Variants in SGK3 observed in about 807,000 individuals in gnomAD.
The protein encoded by SGK3 is serine/threonine-protein kinase Sgk3.
Under a neutral mutation model 68.5 loss-of-function variants are expected in SGK3, and 47 were observed. That is an observed-to-expected ratio of 0.69 (90% confidence interval 0.54 to 0.87). The LOEUF (loss-of-function observed/expected upper bound fraction) is 0.87. SGK3 is among the 40% of genes least tolerant of loss of function. SGK3 has a pLI of 0.00. For missense variants in SGK3, 479 were observed against 575.5 expected (o/e 0.83, Z 1.72); for synonymous variants, 181 against 189.1 (o/e 0.96, Z 0.35).
At position 66,841,007 on chromosome 8, in the gene SGK3, GC is replaced by G. The variant is rs1554605672; in HGVS notation, c.892-13del. 2 of 1,545,458 alleles carry G rather than the reference GC, an allele frequency of 1.3e-6. No homozygotes were observed. Among genetic ancestry groups the G allele is most frequent in the Admixed American group, 2.1e-5 (1 of 47,086 alleles). On this transcript the variant is annotated splice_polypyrimidine_tract_variant and intron_variant, in intron 12 of 16. Transcript: ENST00000521198. ...TATTTATGCATTGTTTTATCTTACT[GC>G]CCCTGTATTTGTCAGGGACATGTTG... is the stretch of plus-strand genomic sequence containing the variant.
chr8:66,774,700 T>C (rs1035352592), intron 1 of SGK3, among the ~76,000 whole-genome samples: 20 of 152,090 alleles, frequency 1.3e-4, no homozygotes, highest in African/African-American at 4.8e-4. Context: ...GGATTCTTAC[T>C]GGGAGCCGAC....
At chr8:66,795,855 C>G (rs1409849583) in intron 2 of SGK3, among the ~76,000 whole-genome samples, 3 of 152,168 alleles carry the variant, frequency 2.0e-5, no homozygotes, top group African/African-American at 7.2e-5. Flanking sequence ...CCTGCTTTCC[C>G]TCCTGCCACA....
intron 4 of SGK3, among the ~76,000 whole-genome samples, chr8:66,804,690 A>G (rs1306734084): frequency 1.3e-5 from 2 of 152,206 alleles, no homozygotes; most frequent in Non-Finnish European, 2.9e-5. Flanking sequence ...ATTTTTATAG[A>G]TAAGGAAATA....
At chr8:66,839,682 G>A (rs1809718489) in intron 10 of SGK3, 1 of 212,770 alleles carries the variant, frequency 4.7e-6, no homozygotes, top group Non-Finnish European at 9.3e-6. Context: ...GCAGTATCAA[G>A]ATCGTTGATC....
rs1351467991 is a variant in SGK3, at chr8:66,824,890, G to A, written c.417+2431G>A. ...CTATATGAAAGTAGTGTAAATATTT[G>A]CAAAATTATATATTGGTAAGGTTAT... is the stretch of plus-strand genomic sequence containing the variant. On this transcript the variant is annotated intron_variant, in intron 6 of 16. Coordinates refer to ENST00000521198, the MANE Select transcript of SGK3 (RefSeq NM_001033578.3). Among the ~76,000 whole-genome samples, 4 of 152,202 alleles carry A rather than the reference G, an allele frequency of 2.6e-5. No individual in the cohort carries two copies. The East Asian group carries it at 7.7e-4, about 29-fold the overall frequency.
At chr8:66,847,788 C>A (rs1185049541) in intron 15 of SGK3, among the ~76,000 whole-genome samples, 2 of 150,848 alleles carry the variant, frequency 1.3e-5, no homozygotes, top group Non-Finnish European at 2.9e-5. Context: ...AAGTCTAAAT[C>A]ATTTCCTTTA....
intron 3 of SGK3, 64 bp from the exon 4 acceptor site, chr8:66,804,311 G>C: frequency 7.2e-7 from 1 of 1,394,760 alleles, no homozygotes; most frequent in Non-Finnish European, 9.7e-7. Context: ...ATTTGGCTTT[G>C]ATGTGTGCAT....
chr8:66,767,039 T>G (rs1480922834), intron 1 of SGK3, among the ~76,000 whole-genome samples: 1 of 152,144 alleles, frequency 6.6e-6, no homozygotes, highest in Non-Finnish European at 1.5e-5. Context: ...GAGACAGGAT[T>G]TCTCCATGTT....
intron 1 of SGK3, chr8:66,767,381 T>A (rs1255788561): frequency 2.5e-6 from 3 of 1,217,872 alleles, no homozygotes; most frequent in Non-Finnish European, 3.7e-6. Flanking sequence ...ACACAAACTC[T>A]AAAGCACTAA....
intron 2 of SGK3, among the ~76,000 whole-genome samples, chr8:66,794,542 C>A (rs919378344): frequency 3.9e-5 from 6 of 152,070 alleles, no homozygotes; most frequent in Non-Finnish European, 5.9e-5. Context: ...CTCCCCACCC[C>A]CCTCACCTAC....
At chr8:66,770,532 T>G (rs774439088) in intron 1 of SGK3, among the ~76,000 whole-genome samples, 7 of 152,212 alleles carry the variant, frequency 4.6e-5, no homozygotes, top group Non-Finnish European at 5.9e-5. Flanking sequence ...CAGTATTTAT[T>G]CTAGGGCTAA....
At chr8:66,765,831 C>G (rs1258713318) in intron 1 of SGK3, among the ~76,000 whole-genome samples, 1 of 151,962 alleles carries the variant, frequency 6.6e-6, no homozygotes, top group Non-Finnish European at 1.5e-5. Context: ...TGAGACCAGC[C>G]TGACTAACAC....
chr8:66,729,194 CGCCTGTAATCCCA>C (rs1805067326), intron 1 of SGK3, among the ~76,000 whole-genome samples: 1 of 116,582 alleles, frequency 8.6e-6, no homozygotes, highest in Admixed American at 8.7e-5. Context: ...ACTCCTCTCA[CGCCTGTAATCCCA>C]GCACTTTGGG....
At chr8:66,741,616 C>G (rs890428741) in intron 1 of SGK3, among the ~76,000 whole-genome samples, 3 of 151,786 alleles carry the variant, frequency 2.0e-5, no homozygotes, top group African/African-American at 7.3e-5. Context: ...CCTGTAATCC[C>G]AGCAGTTTGG....
intron 1 of SGK3, among the ~76,000 whole-genome samples, chr8:66,783,718 G>A (rs1807085233): frequency 6.6e-6 from 1 of 151,970 alleles, no homozygotes; most frequent in African/African-American, 2.4e-5. Context: ...GTAGAGATGA[G>A]GTCTCGCATA....
At chr8:66,761,777 AT>A (rs1382359205) in intron 1 of SGK3, among the ~76,000 whole-genome samples, 11 of 152,180 alleles carry the variant, frequency 7.2e-5, no homozygotes, top group African/African-American at 1.4e-4. Context: ...TAAAAAAAAA[AT>A]AAATAATAAA....
intron 1 of SGK3, among the ~76,000 whole-genome samples, chr8:66,714,927 A>G (rs1804589747): frequency 6.6e-6 from 1 of 152,214 alleles, no homozygotes; most frequent in South Asian, 2.1e-4. Flanking sequence ...TGTAATAAAC[A>G]TCTGTGGAAT....
chr8:66,788,268 T>C (rs1436756783), intron 1 of SGK3, among the ~76,000 whole-genome samples: 1 of 152,186 alleles, frequency 6.6e-6, no homozygotes, highest in Non-Finnish European at 1.5e-5. Flanking sequence ...CTGCTGTACA[T>C]GTCCAGTTTT....
chr8:66,794,958 C>T (rs140170024), intron 2 of SGK3, among the ~76,000 whole-genome samples: 25 of 152,276 alleles, frequency 1.6e-4, no homozygotes, highest in Admixed American at 7.8e-4. Flanking sequence ...CAGGGTCTTG[C>T]GGCAACTCAC....
Sources: gnomAD v4.1 joint callset for allele counts (sites outside exome capture counted in the v4.1 genomes callset) on GRCh38, gnomAD v4.1.1 for gene constraint, MANE v1.5 for transcripts, NCBI Gene and HGNC (gene_info 2026-07-23, HGNC 2026-07-21) for gene names.